Variants in VWA8 observed in about 807,000 individuals in gnomAD.
The protein encoded by VWA8 is von Willebrand factor A domain containing 8, also known as von Willebrand factor A domain-containing protein 8.
A neutral mutation model predicts 241.5 loss-of-function variants in VWA8; 221 were observed. That is an observed-to-expected ratio of 0.91 (90% CI 0.82 to 1.02). VWA8 has a LOEUF of 1.02. VWA8 is among the 50% of genes least tolerant of loss of function. The probability of loss-of-function intolerance (pLI) is 0.00; values close to 1 mark genes in which losing one functional copy is unlikely to be tolerated. For missense variants in VWA8, 2,322 were observed against 2,328.7 expected (o/e 1.00, Z 0.06); for synonymous variants, 852 against 827.1 (o/e 1.03, Z -0.52).
At chr13:41,585,832 C>G (rs562374339) in intron 42 of VWA8, among the ~76,000 whole-genome samples, 1 of 149,238 alleles carries the variant, frequency 6.7e-6, no homozygotes, top group African/African-American at 2.5e-5. Context: ...CCACTGCACT[C>G]CAGCCTGGGC....
At chr13:41,902,903 T>C (rs1253011479) in intron 4 of VWA8, among the ~76,000 whole-genome samples, 2 of 152,106 alleles carry the variant, frequency 1.3e-5, no homozygotes, top group East Asian at 3.9e-4. Flanking sequence ...ATGGGAATGA[T>C]ACTGAAAATC....
Position 41,904,807 on chromosome 13 carries a change from A to G in VWA8, c.483+2779T>C, listed in dbSNP as rs1875628222. 2.6e-5 allele frequency among the ~76,000 whole-genome samples: 4 copies of G among 151,172 alleles called. No homozygotes were observed. The South Asian group carries it at 8.4e-4, about 32-fold the overall frequency. ...TTAAAAAATTAAACACCCTTAATCA[A>G]ATAACTCTATCCACTATTCCAAACA... On this transcript the variant is annotated intron_variant, in intron 4 of 44. Coordinates refer to ENST00000379310, the MANE Select transcript of VWA8 (RefSeq NM_015058.2).
intron 9 of VWA8, among the ~76,000 whole-genome samples, chr13:41,880,223 CAAGTT>C (rs1427242334): frequency 2.0e-5 from 3 of 152,192 alleles, no homozygotes; most frequent in Non-Finnish European, 2.9e-5. Context: ...ACTTGCTTTT[CAAGTT>C]AATAACCTTC....
chr13:41,742,566 G>A (rs2045576771), intron 21 of VWA8, among the ~76,000 whole-genome samples: 1 of 152,094 alleles, frequency 6.6e-6, no homozygotes, highest in Non-Finnish European at 1.5e-5. Flanking sequence ...GTGAAAAACA[G>A]TACCTTAAAA....
chr13:41,783,718 A>C (rs926071329), intron 19 of VWA8, 77 bp downstream of exon 19: 1 of 962,492 alleles, frequency 1.0e-6, no homozygotes, highest in East Asian at 2.7e-5. Context: ...AAATAATTAC[A>C]TGTCAATTTC....
At chr13:41,876,261 T>C (rs1873894305) in intron 9 of VWA8, among the ~76,000 whole-genome samples, 1 of 152,050 alleles carries the variant, frequency 6.6e-6, no homozygotes, top group Non-Finnish European at 1.5e-5. Flanking sequence ...AACACATTCC[T>C]CAAAACCCTC....
In VWA8 at chr13:41,652,645, G is replaced by A. The variant is rs555992187; in HGVS notation, c.4611+18301C>T. Among the ~76,000 whole-genome samples the A allele has an allele frequency of 1.4e-4, 22 of 152,088 alleles. No homozygotes were observed. The South Asian group carries it at 3.9e-3, about 27-fold the overall frequency. On this transcript the variant is annotated intron_variant, in intron 37 of 44. Coordinates refer to ENST00000379310, the MANE Select transcript of VWA8 (RefSeq NM_015058.2). ...AAAAAAAGAAATTAAGGCCCAGAGAGGTGAAATGACTACTTAAAACCAACT... is the reference window on the plus strand; with the variant it reads ...AAAAAAAGAAATTAAGGCCCAGAGAAGTGAAATGACTACTTAAAACCAACT...
intron 2 of VWA8, among the ~76,000 whole-genome samples, chr13:41,928,317 A>G (rs1876945297): frequency 6.6e-6 from 1 of 152,212 alleles, no homozygotes; most frequent in Non-Finnish European, 1.5e-5. Context: ...TCTAGCATAC[A>G]TGAAATGGTC....
chr13:41,729,806 C>CACAG, intron 22 of VWA8, 129 bp from the exon 23 acceptor site: 2 of 429,822 alleles, frequency 4.7e-6, no homozygotes, highest in Non-Finnish European at 7.7e-6. Context: ...TAGACACACA[C>CACAG]ACACACACAC....
chr13:41,879,384 C>CACAT (rs1464020538), intron 9 of VWA8, among the ~76,000 whole-genome samples: 3 of 21,982 alleles, frequency 1.4e-4, no homozygotes, highest in East Asian at 0.02. Flanking sequence ...TACACACATA[C>CACAT]ACACACACAC....
At chr13:41,799,472 A>C (rs544550985) in intron 17 of VWA8, among the ~76,000 whole-genome samples, 21 of 152,296 alleles carry the variant, frequency 1.4e-4, no homozygotes, top group Admixed American at 5.2e-4. Flanking sequence ...CCCAAGCTCC[A>C]GGGAGACAGT....
chr13:41,865,245 A>G (rs948028379), intron 12 of VWA8: 2 of 342,090 alleles, frequency 5.8e-6, no homozygotes, highest in Non-Finnish European at 1.1e-5. Flanking sequence ...ATACATTCAT[A>G]TAATGTGAAA....
intron 37 of VWA8, among the ~76,000 whole-genome samples, chr13:41,633,300 G>A (rs1182339858): frequency 1.3e-5 from 2 of 152,166 alleles, no homozygotes; most frequent in East Asian, 1.9e-4. Context: ...CTGGAGGGAA[G>A]GGACTGAATC....
chr13:41,588,679 C>T (rs995225913), intron 41 of VWA8, among the ~76,000 whole-genome samples: 40 of 150,646 alleles, frequency 2.7e-4, no homozygotes, highest in Admixed American at 2.0e-3. Context: ...TATGATTGTG[C>T]CACTGCACTA....
intron 29 of VWA8, among the ~76,000 whole-genome samples, chr13:41,694,107 A>G (rs558651286): frequency 6.6e-6 from 1 of 152,090 alleles, no homozygotes; most frequent in South Asian, 2.1e-4. Flanking sequence ...TGAGGAGCTT[A>G]TATTTAATAT....
chr13:41,926,433 A>G (rs1876841290), intron 2 of VWA8: 1 of 528,534 alleles, frequency 1.9e-6, no homozygotes, highest in Non-Finnish European at 3.7e-6. Context: ...GCTGTGGCCA[A>G]GCTTTTCATC....
chr13:41,731,945 G>A (rs9315860), intron 22 of VWA8, 135 bp downstream of exon 22: 209,859 of 675,510 alleles, frequency 0.31, 33,897 homozygotes, highest in Non-Finnish European at 0.33. Flanking sequence ...AAATTACCCC[G>A]TCTCAGGTAT....
intron 24 of VWA8, among the ~76,000 whole-genome samples, chr13:41,723,909 T>C (rs879399408): frequency 2.0e-5 from 3 of 152,030 alleles, no homozygotes; most frequent in Non-Finnish European, 2.9e-5. Context: ...AAGGAATGAG[T>C]ATAGATAGGT....
chr13:41,728,623 T>C (rs2045456454), intron 23 of VWA8, among the ~76,000 whole-genome samples: 1 of 152,012 alleles, frequency 6.6e-6, no homozygotes, highest in Non-Finnish European at 1.5e-5. Flanking sequence ...ATGATCTTTT[T>C]TTTTTTTTAA....
Sources: allele counts gnomAD v4.1 joint callset (sites outside exome capture counted in the v4.1 genomes callset), GRCh38; gene constraint gnomAD v4.1.1; transcripts MANE v1.5; gene names NCBI Gene and HGNC (gene_info 2026-07-23, HGNC 2026-07-21).